Variants in COL8A2 observed in about 807,000 individuals in gnomAD.
COL8A2 encodes collagen type VIII alpha 2 chain, also known as collagen alpha-2(VIII) chain.
COL8A2 carries 16 observed loss-of-function variants against 24.0 expected under a neutral mutation model. That is an observed-to-expected ratio of 0.67 (90% confidence interval 0.45 to 1.01). COL8A2 has a LOEUF of 1.01. Among genes scored for constraint, COL8A2 ranks in the 50% least tolerant of loss-of-function variants. The pLI, the probability that COL8A2 is intolerant of heterozygous loss-of-function variation, is 0.00. For synonymous variants in COL8A2, 466 were observed against 424.5 expected, an observed-to-expected ratio of 1.10 and a Z score of -1.20; for missense variants, 818 against 942.4, an observed-to-expected ratio of 0.87 and a Z score of 1.73.
In COL8A2 at chr1:36,095,560, C is replaced by G. The variant is rs1040762341; in HGVS notation, c.*2009G>C. 6.6e-6 allele frequency: 1 copy of G among 152,148 alleles called. No homozygotes were observed. Among genetic ancestry groups the G allele is most frequent in the Non-Finnish European group, 1.5e-5 (1 of 68,040 alleles). The allele number at this position is 152,148 out of a possible 1,614,324, so 9.4% of individuals were successfully genotyped here. A position where few individuals can be genotyped will look rare whatever the true frequency, so the allele number is the denominator to read the frequency against. ...GTCAGTTAAGTGGACACCTGCAACT[C>G]AAATCCCATAAACATTTTAGAAACG... On this transcript the variant is annotated 3_prime_UTR_variant, in exon 4 of 4. Coordinates refer to ENST00000397799, the MANE Select transcript of COL8A2 (RefSeq NM_005202.4).
intron 1 of COL8A2, among the ~76,000 whole-genome samples, chr1:36,121,477 T>C (rs1469128216): frequency 1.3e-5 from 2 of 149,976 alleles, no homozygotes; most frequent in Admixed American, 6.7e-5. Context: ...TCACAGCACT[T>C]TGGGAGGCCA....
In COL8A2 at chr1:36,115,273, G is replaced by A. The variant is rs889428246; in HGVS notation, c.-17+435C>T. 6.6e-5 allele frequency among the ~76,000 whole-genome samples: 10 copies of A among 152,192 alleles called. No individual in the cohort carries two copies. The highest frequency in any genetic ancestry group is 1.7e-4 in the African/African-American group (7 of 41,454). On this transcript the variant is annotated intron_variant, in intron 2 of 3. Transcript: ENST00000397799. This position sits in a 1 kb window ranked among gnomAD's most constrained non-coding sequence, Gnocchi z 5.7. The stretch of plus-strand genomic sequence containing the variant: ...CCTCCAATCCCTCACCTTCTGGTTC[G>A]CATTTGCAGCCTTTTCCGGAGCGCC...
rs1643583174 is a variant in COL8A2 at position 36,097,334 on chromosome 1, A to G, written c.*235T>C. ...GGCTGGGCTGTGTGCCTCAGGGCCT[A>G]TGGGGTGCAGCCCTGACACTGCACA... On this transcript the variant is annotated 3_prime_UTR_variant, in exon 4 of 4. Coordinates refer to ENST00000397799, the MANE Select transcript of COL8A2 (RefSeq NM_005202.4). 1 of 524,870 alleles carries G rather than the reference A, an allele frequency of 1.9e-6. No homozygotes were observed. Among genetic ancestry groups the G allele is most frequent in the African/African-American group, 1.9e-5 (1 of 52,352 alleles). 32.5% of individuals were successfully genotyped at this position (524,870 alleles called of 1,614,324 possible). A position where few individuals can be genotyped will look rare whatever the true frequency, so the allele number is the denominator to read the frequency against.
At position 36,115,137 on chromosome 1, in the gene COL8A2, G is replaced by A. The variant is rs557873713; in HGVS notation, c.-17+571C>T. ...GGCTCCGGCCTCAGCTGGGGCCGTC[G>A]CTTGCCTCCCAGCAGAGGCCTTGAG... On this transcript the variant is annotated intron_variant, in intron 2 of 3. Coordinates refer to ENST00000397799, the MANE Select transcript of COL8A2 (RefSeq NM_005202.4). The surrounding 1 kb of genome is among the most constrained non-coding windows in gnomAD (Gnocchi z 5.7). Among the ~76,000 whole-genome samples the A allele has an allele frequency of 5.9e-5, 9 of 152,254 alleles. No individual in the cohort carries two copies. The South Asian group carries it at 1.7e-3, about 28-fold the overall frequency.
At chr1:36,105,772 CTCTGTCTCTA>C (rs1387553761) in intron 2 of COL8A2, among the ~76,000 whole-genome samples, 1 of 151,742 alleles carries the variant, frequency 6.6e-6, no homozygotes, top group East Asian at 1.9e-4. Context: ...CATAGTGAAA[CTCTGTCTCTA>C]CCAAAAAAAT....
chr1:36,107,285 T>C (rs181450840), intron 2 of COL8A2, among the ~76,000 whole-genome samples: 1 of 152,100 alleles, frequency 6.6e-6, no homozygotes, highest in African/African-American at 2.4e-5. Flanking sequence ...GCACCTGTAG[T>C]CCCAGCTACT....
chr1:36,109,362 C>T (rs1643806687), intron 2 of COL8A2, among the ~76,000 whole-genome samples: 1 of 152,212 alleles, frequency 6.6e-6, no homozygotes, highest in Non-Finnish European at 1.5e-5. Context: ...GTCATCACAA[C>T]AGGTGAACAG....
chr1:36,120,947 GGCC>G (rs1643908667), intron 1 of COL8A2, among the ~76,000 whole-genome samples: 2 of 151,108 alleles, frequency 1.3e-5, no homozygotes, highest in Non-Finnish European at 2.9e-5. Context: ...AAATTAGCCG[GGCC>G]TGGTGGTGCA....
intron 1 of COL8A2, among the ~76,000 whole-genome samples, chr1:36,122,287 C>G (rs1313367689): frequency 6.6e-6 from 1 of 152,208 alleles, no homozygotes; most frequent in East Asian, 1.9e-4. Context: ...CTAGATCTGT[C>G]TGACTCCCAA....
In COL8A2 at chr1:36,100,133, C is replaced by T; in HGVS notation, c.110G>A (p.Gly37Asp). Residue 37 changes from glycine (G) to aspartate (D), a missense_variant, in exon 3 of 4, where the codon GGC (glycine) becomes GAC (aspartate). Gly to Asp is a moderately conservative substitution (Grantham distance 94, BLOSUM62 -1). Transcript: ENST00000397799. ...CTGGATGTACTTCACTGGGGCATAG[C>T]CCGCCGCCCCACCGGCCCCGCCACC... ...SSGGGAGGAA[G>D]YAPVKYIQPM... 6.2e-7 allele frequency: 1 copy of T among 1,612,680 alleles called. No homozygotes were observed.
At position 36,125,027 on chromosome 1, in the gene COL8A2, G is replaced by A. The variant is rs962704968; in HGVS notation, c.-62+30C>T. ...TCTTGCCCTCGGAGCCCCCCAGCCC[G>A]AGCCCCGGTGCCCGCCTCCTGGCCT... On this transcript the variant is annotated intron_variant, in intron 1 of 3. Transcript: ENST00000397799. The surrounding 1 kb of genome is among the most constrained non-coding windows in gnomAD (Gnocchi z 4.5). 6.4e-6 allele frequency: 6 copies of A among 934,984 alleles called. No homozygotes were observed. Among genetic ancestry groups the A allele is most frequent in the African/African-American group, 3.6e-5 (2 of 56,256 alleles). The allele number at this position is 934,984 out of a possible 1,614,324, so 57.9% of individuals were successfully genotyped here.
Position 36,099,044 on chromosome 1 carries a change from G to C in COL8A2, c.637C>G (p.Pro213Ala). 1 of 1,538,648 alleles carries C rather than the reference G, an allele frequency of 6.5e-7. No homozygotes were observed. The highest frequency in any genetic ancestry group is 8.7e-7 in the Non-Finnish European group (1 of 1,145,296). The change falls in exon 4 of 4, where the codon CCC becomes GCC. Residue 213 changes from proline (P) to alanine (A), a missense_variant. This residue lies in a region of COL8A2 where 573 missense variants were observed against 616.8 expected (regional missense o/e 0.93). Transcript: ENST00000397799. The stretch of plus-strand genomic sequence containing the variant: ...TGCCCTGGGGCCCCAGGCAGCCCGG[G>C]CTGGCCCACTCCATTATCCCCCTTG... ...GLKGDNGVGQ[P>A]GLPGAPGQGG... is the part of the protein sequence containing the mutation.
At chr1:36,110,091 G>A (rs1179467992) in intron 2 of COL8A2, among the ~76,000 whole-genome samples, 4 of 151,572 alleles carry the variant, frequency 2.6e-5, no homozygotes, top group Admixed American at 1.3e-4. Flanking sequence ...CACCACGCCC[G>A]GCTAATTTCT....
chr1:36,123,694 C>T lies in COL8A2; in HGVS notation c.-62+1363G>A, dbSNP rs898256399. Among the ~76,000 whole-genome samples the T allele has an allele frequency of 9.9e-5, 15 of 152,224 alleles. No homozygotes were observed. Among genetic ancestry groups the T allele is most frequent in the Admixed American group, 6.5e-4 (10 of 15,286 alleles). ...ATGTTTCATTAGAGGAGGGTGTCCGCATGAATCTAATGAATGTTTGGGTCG... is the reference window on the plus strand; with the variant it reads ...ATGTTTCATTAGAGGAGGGTGTCCGTATGAATCTAATGAATGTTTGGGTCG... On this transcript the variant is annotated intron_variant, in intron 1 of 3. Transcript: ENST00000397799. This position sits in a 1 kb window ranked among gnomAD's most constrained non-coding sequence, Gnocchi z 4.1.
chr1:36,104,865 T>A (rs546048715), intron 2 of COL8A2, among the ~76,000 whole-genome samples: 49 of 152,184 alleles, frequency 3.2e-4, no homozygotes, highest in Non-Finnish European at 5.9e-4. Flanking sequence ...TTGGGGCTGC[T>A]GTGATAAGTG....
intron 2 of COL8A2, among the ~76,000 whole-genome samples, chr1:36,104,031 TA>T (rs1200887366): frequency 6.6e-6 from 1 of 151,054 alleles, no homozygotes; most frequent in Non-Finnish European, 1.5e-5. Context: ...CCATCTCCAC[TA>T]AAAATACAAA....
intron 1 of COL8A2, among the ~76,000 whole-genome samples, chr1:36,120,388 G>A (rs1196481164): frequency 1.3e-5 from 2 of 152,138 alleles, no homozygotes; most frequent in Non-Finnish European, 2.9e-5. Context: ...AGGAGGTGGA[G>A]GTTGCAGTGA....
At chr1:36,116,555 C>A (rs979966312) in intron 1 of COL8A2, among the ~76,000 whole-genome samples, 6 of 152,346 alleles carry the variant, frequency 3.9e-5, no homozygotes, top group African/African-American at 1.2e-4. Flanking sequence ...GGGCATCAGA[C>A]AAGCGGTCAT....
chr1:36,101,542 G>GCCTTCC (rs1342536663), intron 2 of COL8A2, among the ~76,000 whole-genome samples: 6 of 152,190 alleles, frequency 3.9e-5, no homozygotes, highest in Non-Finnish European at 7.3e-5. Context: ...CAGCCAGGCA[G>GCCTTCC]CCTTCCCCTT....
Sources: allele counts gnomAD v4.1 joint callset (sites outside exome capture counted in the v4.1 genomes callset), GRCh38; gene constraint gnomAD v4.1.1; regional missense constraint gnomAD v4.1.1; non-coding constraint Gnocchi (gnomAD v3.1); transcripts MANE v1.5; gene names NCBI Gene and HGNC (gene_info 2026-07-23, HGNC 2026-07-21).